ZNF668: variants seen among roughly 807,000 people sequenced by gnomAD.
ZNF668 encodes the protein zinc finger protein 668.
ZNF668 carries 10 observed loss-of-function variants against 40.3 expected under a neutral mutation model. The ratio of observed to expected loss-of-function variants is 0.25; its 90% confidence interval spans 0.15 to 0.42. ZNF668 has a LOEUF of 0.42. Ranked by LOEUF, ZNF668 falls within the 10% of genes least tolerant of loss-of-function variation. The pLI is 1.00. For missense variants in ZNF668, 749 were observed against 904.6 expected (o/e 0.83, Z 2.21); for synonymous variants, 428 against 384.6 (o/e 1.11, Z -1.32).
intron 1 of ZNF668, among the ~76,000 whole-genome samples, chr16:31,071,752 G>GC (rs1462673334): frequency 2.0e-5 from 3 of 152,178 alleles, no homozygotes; most frequent in Non-Finnish European, 2.9e-5. Flanking sequence ...ACAGTGACCA[G>GC]CACCCCTCCT....
At chr16:31,062,776 A>AG (rs2056943674) in intron 2 of ZNF668, 1 of 57,968 alleles carries the variant, frequency 1.7e-5, no homozygotes, top group Non-Finnish European at 3.2e-5. Context: ...AAAAAAAAAA[A>AG]AAAAAAGAAA....
rs771438155 is a variant in ZNF668, at chr16:31,063,770, C to T, written c.647+43G>A. The T allele has an allele frequency of 5.4e-6, 8 of 1,484,578 alleles. No individual in the cohort carries two copies. In the Admixed American group the frequency reaches 1.3e-4, roughly 24 times the overall value. The allele number at this position is 1,484,578 out of a possible 1,614,324, so 92.0% of individuals were successfully genotyped here. The stretch of plus-strand genomic sequence containing the variant: ...GCCCCATTGGCTGCAGCAACGCTGT[C>T]GCCCTGCCCCGGAAGGCGCCCTGCC... On this transcript the variant is annotated intron_variant, in intron 2 of 2. Coordinates refer to ENST00000300849, the MANE Select transcript of ZNF668 (RefSeq NM_024706.5).
chr16:31,061,790 T>C lies in ZNF668; in HGVS notation c.1138A>G (p.Thr380Ala), dbSNP rs538978552. The change falls in exon 3 of 3, where the codon ACG (threonine) becomes GCG (alanine). Residue 380 changes from threonine (T) to alanine (A), a missense_variant. Thr to Ala is a moderately conservative substitution (Grantham distance 58). Around this residue, in one of 4 missense-constraint regions of ZNF668, gnomAD observed 310 missense variants for 355.1 expected, o/e 0.87. Coordinates refer to ENST00000300849, the MANE Select transcript of ZNF668 (RefSeq NM_024706.5). The surrounding 1 kb of genome is among the most constrained non-coding windows in gnomAD (Gnocchi z 7.7). The part of the protein sequence containing the change: ...GRAFAERASL[T>A]KHSRVHSGER... ...CCCGAGTGCACCCGGCTATGCTTCGTGAGGCTGGCACGCTCGGCGAAGGCT... is the reference window on the plus strand; with the variant it reads ...CCCGAGTGCACCCGGCTATGCTTCGCGAGGCTGGCACGCTCGGCGAAGGCT... 1.9e-6 allele frequency: 3 copies of C among 1,609,830 alleles called. No individual in the cohort carries two copies. The highest frequency in any genetic ancestry group is 2.2e-5 in the East Asian group (1 of 44,514).
chr16:31,070,075 A>G (rs1387134316), intron 1 of ZNF668, among the ~76,000 whole-genome samples: 4 of 144,186 alleles, frequency 2.8e-5, no homozygotes, highest in African/African-American at 1.0e-4. Flanking sequence ...CACCCGGCCC[A>G]ATCCCGGCTA....
rs959739090 is a variant in ZNF668 at position 31,069,668 on chromosome 16, T to C, written c.-23+3991A>G. ...ATTCTCTATCTACTCTTTATTATTA[T>C]TATTATTTTTTGACGGAATCTCATG... On this transcript the variant is annotated intron_variant, in intron 1 of 2. Transcript: ENST00000300849. 6.6e-5 allele frequency among the ~76,000 whole-genome samples: 10 copies of C among 152,248 alleles called. No individual in the cohort carries two copies. The East Asian group carries it at 1.5e-3, about 23-fold the overall frequency.
chr16:31,066,231 C>T (rs1279261631), intron 1 of ZNF668: 1 of 985,478 alleles, frequency 1.0e-6, no homozygotes, highest in Non-Finnish European at 1.2e-6. Context: ...GCTTCCACCA[C>T]ACCATGCAAA....
chr16:31,073,868 C>A lies in ZNF668; in HGVS notation c.-232G>T, dbSNP rs1169017083. 7 of 152,200 alleles carry A rather than the reference C, an allele frequency of 4.6e-5. No homozygotes were observed. The highest frequency in any genetic ancestry group is 4.6e-4 in the Admixed American group (7 of 15,280). The allele number at this position is 152,200 out of a possible 1,614,324, so 9.4% of individuals were successfully genotyped here. A position where few individuals can be genotyped will look rare whatever the true frequency, so the allele number is the denominator to read the frequency against. ...CCTCCAGCCTATGGCGGCAGAGAAGCATCTTGCAAGAGGTCTCTGTGTGTG... is the reference window on the plus strand; with the variant it reads ...CCTCCAGCCTATGGCGGCAGAGAAGAATCTTGCAAGAGGTCTCTGTGTGTG... On this transcript the variant is annotated 5_prime_UTR_variant, in exon 1 of 3. The change abolishes an upstream ATG in the 5' untranslated region. Transcript: ENST00000300849.
At chr16:31,062,532 G>C (rs1199599742) in intron 2 of ZNF668, 1 of 471,690 alleles carries the variant, frequency 2.1e-6, no homozygotes, top group African/African-American at 2.0e-5. Flanking sequence ...TGTAATTCCA[G>C]CACTTTGGGA....
chr16:31,072,360 A>G (rs1292159958), intron 1 of ZNF668, among the ~76,000 whole-genome samples: 1 of 152,204 alleles, frequency 6.6e-6, no homozygotes, highest in East Asian at 1.9e-4. Context: ...GAGAATGTCC[A>G]CCAATAACTG....
At chr16:31,063,065 G>GC (rs71151445) in intron 2 of ZNF668, among the ~76,000 whole-genome samples, 56,401 of 152,068 alleles carry the variant, frequency 0.37, 11,601 homozygotes, top group East Asian at 0.89. Flanking sequence ...TTGCACTCTA[G>GC]CCTGGGCAAC....
chr16:31,063,739 AC>A, intron 2 of ZNF668, 73 bp downstream of exon 2: 1 of 1,420,824 alleles, frequency 7.0e-7, no homozygotes. Context: ...TGAGACTCAA[AC>A]CCAGGCCCCA....
At chr16:31,064,743 A>G in intron 1 of ZNF668, 1 of 1,520,732 alleles carries the variant, frequency 6.6e-7, no homozygotes, top group Non-Finnish European at 8.8e-7. Context: ...CCCCGCCCCC[A>G]ACGGGCTTTT....
rs765126156 is a variant in ZNF668 at position 31,061,459 on chromosome 16, C to T, written c.1469G>A (p.Gly490Asp). The T allele has an allele frequency of 1.2e-6, 2 of 1,613,832 alleles. No homozygotes were observed. Among genetic ancestry groups the T allele is most frequent in the South Asian group, 2.2e-5 (2 of 91,092 alleles). ...TVEHVECQDA[G>D]VREAPGPLEG... Reference sequence around the variant, plus strand: ...CAAGGGACCAGGAGCCTCCCGGACACCAGCATCTTGGCATTCCACATGCTC... The same window carrying T: ...CAAGGGACCAGGAGCCTCCCGGACATCAGCATCTTGGCATTCCACATGCTC... The change falls in exon 3 of 3, where the codon GGT becomes GAT. Residue 490 changes from glycine to aspartate, a missense_variant. Physicochemically the swap from Gly to Asp is moderately conservative, Grantham distance 94. This residue lies in a region of ZNF668 where 310 missense variants were observed against 355.1 expected (regional missense o/e 0.87). Coordinates refer to ENST00000300849, the MANE Select transcript of ZNF668 (RefSeq NM_024706.5). This position sits in a 1 kb window ranked among gnomAD's most constrained non-coding sequence, Gnocchi z 7.7.
chr16:31,067,931 A>G (rs946674853), intron 1 of ZNF668, among the ~76,000 whole-genome samples: 5 of 151,960 alleles, frequency 3.3e-5, no homozygotes, highest in African/African-American at 1.2e-4. Flanking sequence ...GTCTTCTCTC[A>G]TCCTTGCAGA....
chr16:31,061,550 G>T lies in ZNF668; in HGVS notation c.1378C>A (p.Leu460Ile). 2 of 1,610,094 alleles carry T rather than the reference G, an allele frequency of 1.2e-6. No homozygotes were observed. The highest frequency in any genetic ancestry group is 8.5e-7 in the Non-Finnish European group (1 of 1,179,862). The change falls in exon 3 of 3, where the codon CTA becomes ATA. Residue 460 changes from leucine (L) to isoleucine (I), a missense_variant. This residue lies in a region of ZNF668 where 310 missense variants were observed against 355.1 expected (regional missense o/e 0.87). Transcript: ENST00000300849. This position sits in a 1 kb window ranked among gnomAD's most constrained non-coding sequence, Gnocchi z 7.7. ...CCACCTGACTCCGGGGGCAGCCCTA[G>T]CAGCCCTGCTGGAGGGTCCCCCAGC... ...AGLGDPPAGL[L>I]GLPPESGGVM...
chr16:31,071,996 G>A (rs1020987395), intron 1 of ZNF668, among the ~76,000 whole-genome samples: 1 of 152,200 alleles, frequency 6.6e-6, no homozygotes, highest in East Asian at 1.9e-4. Flanking sequence ...AATTAAGGCT[G>A]AATGACGTCA....
intron 1 of ZNF668, among the ~76,000 whole-genome samples, chr16:31,070,649 T>C (rs2057010393): frequency 6.6e-6 from 1 of 152,022 alleles, no homozygotes; most frequent in Admixed American, 6.6e-5. Flanking sequence ...CACGAGATTT[T>C]CCTGCCTCAG....
Position 31,062,198 on chromosome 16 carries a change from G to A in ZNF668, c.730C>T (p.Arg244Cys), listed in dbSNP as rs1343141192. ...TAGGGCTTCTGTGCCGCGTGGATGCGCTGGTGGCACGTGAGCGAGGATGAG... is the reference window on the plus strand; with the variant it reads ...TAGGGCTTCTGTGCCGCGTGGATGCACTGGTGGCACGTGAGCGAGGATGAG... ...SRSSSLTCHQ[R>C]IHAAQKPYRC... The change falls in exon 3 of 3, where the codon CGC becomes TGC. Residue 244 changes from arginine (R) to cysteine (C), a missense_variant. Transcript: ENST00000300849. The A allele has an allele frequency of 1.2e-6, 2 of 1,613,762 alleles. No individual in the cohort carries two copies. The highest frequency in any genetic ancestry group is 1.1e-5 in the South Asian group (1 of 91,052).
chr16:31,062,165 G>T lies in ZNF668; in HGVS notation c.763C>A (p.Pro255Thr). The change falls in exon 3 of 3, where the codon CCG becomes ACG. Residue 255 changes from proline (P) to threonine (T), a missense_variant. By Grantham distance (38) the Pro-to-Thr change is conservative. Transcript: ENST00000300849. The part of the protein sequence containing the change: ...IHAAQKPYRC[P>T]ACGKGFTQLS... ...TGCGTGAAGCCCTTGCCGCAGGCCG[G>T]GCAGCGGTAGGGCTTCTGTGCCGCG... 6.2e-7 allele frequency: 1 copy of T among 1,613,898 alleles called. No homozygotes were observed. Among genetic ancestry groups the T allele is most frequent in the Non-Finnish European group, 8.5e-7 (1 of 1,179,916 alleles).
Sources: gnomAD v4.1 joint callset for allele counts (sites outside exome capture counted in the v4.1 genomes callset) on GRCh38, gnomAD v4.1.1 for gene constraint, gnomAD v4.1.1 regional missense constraint, Gnocchi (gnomAD v3.1) non-coding constraint, MANE v1.5 for transcripts, NCBI Gene and HGNC (gene_info 2026-07-23, HGNC 2026-07-21) for gene names.